SFMBT2: variants seen among roughly 807,000 people sequenced by gnomAD.
SFMBT2 encodes the protein scm-like with four MBT domains protein 2.
In SFMBT2, 38 loss-of-function variants were observed where a neutral mutation model predicts 110.1. The ratio of observed to expected loss-of-function variants is 0.35; its 90% CI spans 0.27 to 0.45. The LOEUF (loss-of-function observed/expected upper bound fraction) is 0.45, where lower values mean the gene tolerates loss of function less well. Ranked by LOEUF, SFMBT2 falls within the 20% of genes least tolerant of loss-of-function variation. The pLI is 1.00. For synonymous variants in SFMBT2, 425 were observed against 425.4 expected, an observed-to-expected ratio of 1.00 and a Z score of 0.01; for missense variants, 1,011 against 1,094.9, an observed-to-expected ratio of 0.92 and a Z score of 1.08.
At chr10:7,210,576 TAATA>T (rs1839311059) in intron 11 of SFMBT2, among the ~76,000 whole-genome samples, 1 of 152,230 alleles carries the variant, frequency 6.6e-6, no homozygotes, top group African/African-American at 2.4e-5. Context: ...TAACCTTGCC[TAATA>T]AATGTCCCCA....
intron 4 of SFMBT2, among the ~76,000 whole-genome samples, chr10:7,363,550 G>A (rs1480219294): frequency 1.3e-5 from 2 of 152,114 alleles, no homozygotes; most frequent in African/African-American, 4.8e-5. Flanking sequence ...GTTTCACCAT[G>A]TTGGCCAGGC....
At position 7,200,397 on chromosome 10, in the gene SFMBT2, T is replaced by A; in HGVS notation, c.1558+17A>T. Reference sequence around the variant, plus strand: ...ACGGTGGGAAGGCACAGAGACCCCCTAAATGGGACTGATTACCTGTGGTGT... The same window carrying A: ...ACGGTGGGAAGGCACAGAGACCCCCAAAATGGGACTGATTACCTGTGGTGT... On this transcript the variant is annotated intron_variant, in intron 14 of 20. Coordinates refer to ENST00000397167, the MANE Select transcript of SFMBT2 (RefSeq NM_001387889.1). 6.4e-7 allele frequency: 1 copy of A among 1,573,616 alleles called. No homozygotes were observed. Among genetic ancestry groups the A allele is most frequent in the Non-Finnish European group, 8.6e-7 (1 of 1,159,578 alleles).
chr10:7,281,740 T>A (rs1274714990), intron 6 of SFMBT2, among the ~76,000 whole-genome samples: 1 of 152,122 alleles, frequency 6.6e-6, no homozygotes, highest in South Asian at 2.1e-4. Flanking sequence ...ACTTTTGGAG[T>A]GTCTTGTCAC....
Position 7,207,453 on chromosome 10 carries a change from G to A in SFMBT2, c.1331-1525C>T, listed in dbSNP as rs1192724267. On this transcript the variant is annotated intron_variant, in intron 11 of 20. Coordinates refer to ENST00000397167, the MANE Select transcript of SFMBT2 (RefSeq NM_001387889.1). The stretch of plus-strand genomic sequence containing the variant: ...AGAAAGAAAGAAGGAAAGAAGGAAA[G>A]AAAGAAAAAGAAAGAAAGAGAAAGG... The A allele has an allele frequency of 2.1e-4, 38 of 180,710 alleles. 1 individual carries two copies. The Middle Eastern group carries it at 0.013, about 64-fold the overall frequency. 11.2% of individuals were successfully genotyped at this position (180,710 alleles called of 1,614,324 possible). A position where few individuals can be genotyped will look rare whatever the true frequency, so the allele number is the denominator to read the frequency against.
At chr10:7,310,933 G>C (rs1395751057) in intron 4 of SFMBT2, among the ~76,000 whole-genome samples, 2 of 151,656 alleles carry the variant, frequency 1.3e-5, no homozygotes, top group Non-Finnish European at 2.9e-5. Context: ...TGTAATCCCA[G>C]CTACTCAGGA....
chr10:7,310,674 T>C (rs7916433), intron 4 of SFMBT2, among the ~76,000 whole-genome samples: 52,113 of 152,130 alleles, frequency 0.34, 11,104 homozygotes, highest in East Asian at 0.65. Flanking sequence ...TCATATGAAG[T>C]TGCTGTGCAT....
intron 4 of SFMBT2, among the ~76,000 whole-genome samples, chr10:7,344,494 C>T (rs1588465758): frequency 2.0e-5 from 3 of 152,304 alleles, no homozygotes; most frequent in Admixed American, 2.0e-4. Context: ...AATTGTGAGG[C>T]TTCCCCAGCT....
rs540816935 is a variant in SFMBT2 at position 7,275,594 on chromosome 10, G to A, written c.870+1298C>T. On this transcript the variant is annotated intron_variant, in intron 7 of 20. Transcript: ENST00000397167. ...CACCACAACTGTCGGCTTCACTGTCGGTCAATATCATGCTAACAGTGTATT... is the reference window on the plus strand; with the variant it reads ...CACCACAACTGTCGGCTTCACTGTCAGTCAATATCATGCTAACAGTGTATT... Among the ~76,000 whole-genome samples, 5 of 152,152 alleles carry A rather than the reference G, an allele frequency of 3.3e-5. No individual in the cohort carries two copies. In the South Asian group the frequency reaches 8.3e-4, roughly 25 times the overall value.
At chr10:7,394,213 A>G (rs1300199301) in intron 1 of SFMBT2, among the ~76,000 whole-genome samples, 5 of 152,104 alleles carry the variant, frequency 3.3e-5, no homozygotes, top group Non-Finnish European at 5.9e-5. Flanking sequence ...TCGTGGGCTC[A>G]AGCAATCCAC....
At position 7,403,087 on chromosome 10, in the gene SFMBT2, T is replaced by C. The variant is rs574043935; in HGVS notation, c.-52+7774A>G. On this transcript the variant is annotated intron_variant, in intron 1 of 20. Coordinates refer to ENST00000397167, the MANE Select transcript of SFMBT2 (RefSeq NM_001387889.1). ...CAGTTCATACGACAGTAAACAACATTGTGTCCTAACTGAGCATCTGCACTT... is the reference window on the plus strand; with the variant it reads ...CAGTTCATACGACAGTAAACAACATCGTGTCCTAACTGAGCATCTGCACTT... Among the ~76,000 whole-genome samples the C allele has an allele frequency of 1.4e-3, 220 of 152,378 alleles. 1 individual carries two copies. The highest frequency in any genetic ancestry group is 3.0e-3 in the African/African-American group (126 of 41,592).
chr10:7,335,350 T>C (rs1315759870), intron 4 of SFMBT2, among the ~76,000 whole-genome samples: 1 of 152,176 alleles, frequency 6.6e-6, no homozygotes, highest in Non-Finnish European at 1.5e-5. Context: ...CCCAACTTCT[T>C]ACAATCCAAC....
chr10:7,403,591 G>A (rs114989887), intron 1 of SFMBT2, among the ~76,000 whole-genome samples: 5,092 of 152,272 alleles, frequency 0.033, 116 homozygotes, highest in African/African-American at 0.063. Context: ...GCAATGAGCC[G>A]AGATCGCAGC....
At chr10:7,336,022 T>C (rs572108588) in intron 4 of SFMBT2, among the ~76,000 whole-genome samples, 2 of 152,360 alleles carry the variant, frequency 1.3e-5, no homozygotes, top group African/African-American at 2.4e-5. Flanking sequence ...TACTGGCTAG[T>C]ACAAAGTATC....
At chr10:7,373,633 C>A (rs1845120215) in intron 2 of SFMBT2, among the ~76,000 whole-genome samples, 1 of 152,166 alleles carries the variant, frequency 6.6e-6, no homozygotes. Flanking sequence ...CCAGAAACCA[C>A]CACTGCCACC....
chr10:7,165,702 T>G (rs1013911390), intron 20 of SFMBT2, among the ~76,000 whole-genome samples: 4 of 152,250 alleles, frequency 2.6e-5, no homozygotes, highest in Non-Finnish European at 5.9e-5. Flanking sequence ...TAAACAGATC[T>G]GTCTTGTATA....
At chr10:7,350,968 C>A (rs1021134794) in intron 4 of SFMBT2, among the ~76,000 whole-genome samples, 1 of 152,248 alleles carries the variant, frequency 6.6e-6, no homozygotes, top group Admixed American at 6.5e-5. Context: ...TGGTAAAAGG[C>A]ATTAGATTGC....
intron 7 of SFMBT2, among the ~76,000 whole-genome samples, chr10:7,258,977 C>A (rs1368176846): frequency 1.3e-5 from 2 of 152,172 alleles, no homozygotes; most frequent in Admixed American, 1.3e-4. Flanking sequence ...AGTAGCTGTG[C>A]ATTCAATCAA....
chr10:7,225,207 T>C (rs908113960), intron 10 of SFMBT2, among the ~76,000 whole-genome samples: 1 of 152,244 alleles, frequency 6.6e-6, no homozygotes, highest in African/African-American at 2.4e-5. Flanking sequence ...TAACCTATTT[T>C]CATTTCAATC....
chr10:7,214,068 G>A (rs1038056145), intron 11 of SFMBT2, among the ~76,000 whole-genome samples: 1 of 152,178 alleles, frequency 6.6e-6, no homozygotes, highest in African/African-American at 2.4e-5. Context: ...GGAGCAACCA[G>A]GAAAGGAGTG....
Sources: gnomAD v4.1 joint callset for allele counts (sites outside exome capture counted in the v4.1 genomes callset) on GRCh38, gnomAD v4.1.1 for gene constraint, MANE v1.5 for transcripts, NCBI Gene and HGNC (gene_info 2026-07-23, HGNC 2026-07-21) for gene names.